The following EPM2A variants were observed in gnomAD, a reference collection of about 807,000 sequenced individuals.
EPM2A encodes the protein laforin.
EPM2A carries 21 observed loss-of-function variants against 26.5 expected under a neutral mutation model. The observed-to-expected ratio is 0.79, with a 90% CI of 0.56 to 1.14. EPM2A has a LOEUF of 1.14. EPM2A is among the 50% of genes most tolerant of loss of function. The probability of loss-of-function intolerance (pLI) is 0.00; values close to 1 mark genes in which losing one functional copy is unlikely to be tolerated. For missense variants in EPM2A, 458 were observed against 440.8 expected, an observed-to-expected ratio of 1.04 and a Z score of -0.35; for synonymous variants, 217 against 177.6, an observed-to-expected ratio of 1.22 and a Z score of -1.76.
intron 4 of EPM2A, among the ~76,000 whole-genome samples, chr6:145,414,193 GC>G (rs1313485870): frequency 6.6e-6 from 1 of 152,100 alleles, no homozygotes; most frequent in Non-Finnish European, 1.5e-5. Flanking sequence ...TCCCAGTGCA[GC>G]CCTTTCTTTT....
intron 2 of EPM2A, among the ~76,000 whole-genome samples, chr6:145,541,211 A>G (rs1212064814): frequency 1.5e-5 from 2 of 136,136 alleles, no homozygotes; most frequent in Non-Finnish European, 3.2e-5. Context: ...GTGTGTGTGT[A>G]CCAAGTATAT....
chr6:145,562,737 T>G (rs6899900), intron 2 of EPM2A, among the ~76,000 whole-genome samples: 70,050 of 151,726 alleles, frequency 0.46, 16,751 homozygotes, highest in African/African-American at 0.56. Flanking sequence ...TGCTTCGAAG[T>G]CTTTCTTAGA....
chr6:145,597,061 A>AT (rs1306282209), intron 2 of EPM2A, among the ~76,000 whole-genome samples: 2 of 149,674 alleles, frequency 1.3e-5, no homozygotes, highest in Admixed American at 1.3e-4. Flanking sequence ...CGCCTGGCTA[A>AT]TTTTTTGTAT....
intron 2 of EPM2A, among the ~76,000 whole-genome samples, chr6:145,616,135 G>T (rs1366731753): frequency 1.3e-5 from 2 of 152,200 alleles, no homozygotes; most frequent in African/African-American, 4.8e-5. Flanking sequence ...AGAGGCCTAG[G>T]ATGAAAAAGT....
chr6:145,550,206 G>T (rs1780636038), intron 2 of EPM2A, among the ~76,000 whole-genome samples: 1 of 151,938 alleles, frequency 6.6e-6, no homozygotes, highest in African/African-American at 2.4e-5. Context: ...CCTACAAAAG[G>T]AATGAAATGG....
At chr6:145,584,702 C>T (rs373728761) in intron 2 of EPM2A, among the ~76,000 whole-genome samples, 2 of 152,188 alleles carry the variant, frequency 1.3e-5, no homozygotes, top group African/African-American at 4.8e-5. Flanking sequence ...AACTCTCCCC[C>T]ATGACTCACT....
intron 2 of EPM2A, among the ~76,000 whole-genome samples, chr6:145,669,096 C>G (rs911030308): frequency 6.6e-6 from 1 of 152,018 alleles, no homozygotes; most frequent in African/African-American, 2.4e-5. Flanking sequence ...ATTTTCATCA[C>G]TATTGACTCA....
At chr6:145,608,116 CGAGA>C (rs754084944) in intron 2 of EPM2A, among the ~76,000 whole-genome samples, 1 of 152,090 alleles carries the variant, frequency 6.6e-6, no homozygotes, top group Non-Finnish European at 1.5e-5. Context: ...AAAGATATTT[CGAGA>C]GAGAGAGACC....
chr6:145,613,705 T>C (rs4332001), intron 2 of EPM2A, among the ~76,000 whole-genome samples: 70,982 of 152,032 alleles, frequency 0.47, 17,230 homozygotes, highest in African/African-American at 0.58. Context: ...AATAAGCATT[T>C]GTATTTGGAA....
chr6:145,443,865 G>T (rs1279038025), intron 4 of EPM2A, among the ~76,000 whole-genome samples: 1 of 152,116 alleles, frequency 6.6e-6, no homozygotes, highest in Non-Finnish European at 1.5e-5. Flanking sequence ...GGGTTTCTCT[G>T]CACAAGCCTT....
chr6:145,518,975 C>A (rs887717878), intron 2 of EPM2A, among the ~76,000 whole-genome samples: 1 of 152,126 alleles, frequency 6.6e-6, no homozygotes, highest in East Asian at 1.9e-4. Flanking sequence ...GAGTCCAAAA[C>A]CATAGCAAAA....
chr6:145,425,400 C>T (rs971976414), intron 4 of EPM2A, among the ~76,000 whole-genome samples: 3 of 152,040 alleles, frequency 2.0e-5, no homozygotes, highest in Non-Finnish European at 2.9e-5. Flanking sequence ...CTCTTGAACC[C>T]CTGACCTCAA....
rs554149812 is a variant in EPM2A, at chr6:145,490,753, G to A, written c.555+11769C>T. ...ATGGAACAAGTCCTTCACATGTGAAGGTTGTCACATGTGACAACTGACGTT... is the reference window on the plus strand; with the variant it reads ...ATGGAACAAGTCCTTCACATGTGAAAGTTGTCACATGTGACAACTGACGTT... On this transcript the variant is annotated intron_variant, in intron 4 of 4. Transcript: ENST00000638717. 7.7e-4 allele frequency: 434 copies of A among 561,716 alleles called. 1 individual carries two copies. Among genetic ancestry groups the A allele is most frequent in the African/African-American group, 3.8e-3 (204 of 53,146 alleles). 34.8% of individuals were successfully genotyped at this position (561,716 alleles called of 1,614,324 possible).
chr6:145,564,622 T>G (rs1471470935), intron 2 of EPM2A, among the ~76,000 whole-genome samples: 2 of 152,194 alleles, frequency 1.3e-5, no homozygotes, highest in Admixed American at 1.3e-4. Flanking sequence ...TGCTCCTAAA[T>G]TTTGGTTTAT....
chr6:145,407,201 T>A (rs910869036), intron 4 of EPM2A, among the ~76,000 whole-genome samples: 4 of 152,152 alleles, frequency 2.6e-5, no homozygotes, highest in Admixed American at 6.6e-5. Context: ...CTCTTTCTGA[T>A]GAAACCATGT....
chr6:145,627,642 T>G lies in EPM2A; in HGVS notation c.770A>C (p.Glu257Ala). ...QAVCLLHALLEKGHIVYVHCN... is the reference protein window; with the variant it reads ...QAVCLLHALLAKGHIVYVHCN... ...GTGCACGTACACGATGTGTCCCTTC[T>G]CCAGCAGCGCATGCAGCAGGCACAC... The change falls in exon 4 of 4, where the codon GAG becomes GCG. Residue 257 changes from glutamate (E) to alanine (A), a missense_variant. Physicochemically the swap from Glu to Ala is moderately radical, Grantham distance 107. Transcript: ENST00000367519. The G allele has an allele frequency of 6.2e-7, 1 of 1,614,128 alleles. No homozygotes were observed. Among genetic ancestry groups the G allele is most frequent in the South Asian group, 1.1e-5 (1 of 91,086 alleles).
intron 4 of EPM2A, among the ~76,000 whole-genome samples, chr6:145,496,257 A>T (rs189036772): frequency 1.5e-3 from 222 of 152,112 alleles, no homozygotes; most frequent in African/African-American, 4.8e-3. Context: ...TTTGACCTTG[A>T]TTAATCTGAT....
intron 2 of EPM2A, among the ~76,000 whole-genome samples, chr6:145,512,109 T>A (rs1780062262): frequency 6.6e-6 from 1 of 151,830 alleles, no homozygotes. Flanking sequence ...AAAGAAATTG[T>A]GGATGACACA....
intron 4 of EPM2A, among the ~76,000 whole-genome samples, chr6:145,495,777 A>G (rs1490378214): frequency 1.3e-5 from 2 of 152,108 alleles, no homozygotes; most frequent in Non-Finnish European, 1.5e-5. Context: ...GGGTTTCACC[A>G]TATTGGCCGG....
Sources: allele counts gnomAD v4.1 joint callset (sites outside exome capture counted in the v4.1 genomes callset), GRCh38; gene constraint gnomAD v4.1.1; transcripts MANE v1.5; gene names NCBI Gene and HGNC (gene_info 2026-07-23, HGNC 2026-07-21).